Variants in EYA1 observed in about 807,000 individuals in gnomAD.
The protein encoded by EYA1 is protein phosphatase EYA1.
A neutral mutation model predicts 82.0 loss-of-function variants in EYA1; 16 were observed. That is an observed-to-expected ratio of 0.20 (90% confidence interval 0.13 to 0.30). The LOEUF is 0.30. Ranked by LOEUF, EYA1 falls within the 10% of genes least tolerant of loss-of-function variation. EYA1 has a pLI of 1.00. For missense variants in EYA1, 633 were observed against 730.7 expected (o/e 0.87, Z 1.54); for synonymous variants, 261 against 264.4 (o/e 0.99, Z 0.12).
Position 71,354,780 on chromosome 8 carries a change from AC to A in EYA1, c.124+1del. On this transcript the variant is annotated splice_donor_variant, in intron 3 of 17. Transcript: ENST00000340726. LOFTEE classifies it high-confidence loss of function. ...GTAAATAGTGAGAAGGCAGACACTC[AC>A]CTTCGGTGCCATTGGGAGTCATGGA... The A allele has an allele frequency of 6.2e-7, 1 of 1,612,858 alleles. No individual in the cohort carries two copies. The highest frequency in any genetic ancestry group is 8.5e-7 in the Non-Finnish European group (1 of 1,179,112).
At chr8:71,520,322 G>A (rs1282424873) in intron 2 of EYA1, among the ~76,000 whole-genome samples, 2 of 152,088 alleles carry the variant, frequency 1.3e-5, no homozygotes, top group East Asian at 3.9e-4. Flanking sequence ...AAGTGCCTTA[G>A]GAGGCTTATC....
At chr8:71,498,339 T>A (rs1811572460) in intron 2 of EYA1, among the ~76,000 whole-genome samples, 1 of 152,188 alleles carries the variant, frequency 6.6e-6, no homozygotes, top group Non-Finnish European at 1.5e-5. Context: ...CTACCAATTT[T>A]AAAAAATAAA....
intron 3 of EYA1, among the ~76,000 whole-genome samples, chr8:71,342,647 T>C (rs1414215950): frequency 2.0e-5 from 3 of 152,178 alleles, no homozygotes; most frequent in Non-Finnish European, 4.4e-5. Context: ...AAAATGTGTA[T>C]TTTAATAAAC....
chr8:71,376,808 C>CA (rs1179425822), intron 2 of EYA1, among the ~76,000 whole-genome samples: 1 of 152,168 alleles, frequency 6.6e-6, no homozygotes, highest in East Asian at 1.9e-4. Flanking sequence ...CCGGAACAAT[C>CA]AAAATCTGAA....
At chr8:71,336,403 T>C (rs533245688) in intron 3 of EYA1, among the ~76,000 whole-genome samples, 31 of 152,214 alleles carry the variant, frequency 2.0e-4, no homozygotes, top group Non-Finnish European at 1.6e-4. Flanking sequence ...AAGAAAAAAA[T>C]TGTTCCACTG....
In EYA1 at chr8:71,418,270, A is replaced by G. The variant is rs551040342; in HGVS notation, c.34-61759T>C. On this transcript the variant is annotated intron_variant, in intron 2 of 18. Transcript: ENST00000643681. ...ATTTGGTTCGCACGGTGTTTTTAAA[A>G]TTGAGAGATTTAGCATAAAATTTCA... Among the ~76,000 whole-genome samples the G allele has an allele frequency of 3.3e-5, 5 of 152,364 alleles. No individual in the cohort carries two copies. In the East Asian group the frequency reaches 9.6e-4, roughly 29 times the overall value.
chr8:71,514,291 C>A (rs539331930), intron 2 of EYA1, among the ~76,000 whole-genome samples: 3 of 152,050 alleles, frequency 2.0e-5, no homozygotes, highest in African/African-American at 7.2e-5. Context: ...TCCTGTAGTT[C>A]AGGAATTCTT....
At chr8:71,364,253 G>A (rs938906391), upstream of EYA1, among the ~76,000 whole-genome samples, 28 of 151,770 alleles carry the variant, frequency 1.8e-4, no homozygotes, top group Non-Finnish European at 3.8e-4. Context: ...CTTTTAAAGA[G>A]TTTCATTTTC....
intron 2 of EYA1, among the ~76,000 whole-genome samples, chr8:71,456,895 C>A (rs528173437): frequency 6.6e-6 from 1 of 152,196 alleles, no homozygotes; most frequent in East Asian, 1.9e-4. Context: ...GCAACAAAAG[C>A]CAAAATTGAC....
intron 11 of EYA1, among the ~76,000 whole-genome samples, chr8:71,258,507 A>G (rs1436778660): frequency 6.6e-6 from 1 of 152,180 alleles, no homozygotes; most frequent in Non-Finnish European, 1.5e-5. Flanking sequence ...TGATACTTCT[A>G]TGGTGGAGTC....
intron 3 of EYA1, among the ~76,000 whole-genome samples, chr8:71,346,431 A>AAAATATATATAT (rs1554561505): frequency 1.9e-5 from 2 of 105,490 alleles, no homozygotes; most frequent in Non-Finnish European, 3.8e-5. Flanking sequence ...TACTGCAGTG[A>AAAATATATATAT]ATATATATAT....
intron 11 of EYA1, among the ~76,000 whole-genome samples, chr8:71,267,677 T>C (rs1816015319): frequency 6.6e-6 from 1 of 152,138 alleles, no homozygotes; most frequent in Non-Finnish European, 1.5e-5. Flanking sequence ...GCTTCCTGAG[T>C]AGCTGGGACT....
At chr8:71,494,599 A>C (rs946378438) in intron 2 of EYA1, among the ~76,000 whole-genome samples, 1 of 152,188 alleles carries the variant, frequency 6.6e-6, no homozygotes, top group South Asian at 2.1e-4. Context: ...TGCAGTTACC[A>C]TATAACATTT....
intron 2 of EYA1, chr8:71,470,765 C>T (rs1038996766): frequency 2.5e-6 from 1 of 398,228 alleles, no homozygotes; most frequent in Non-Finnish European, 4.9e-6. Flanking sequence ...AATGATATAA[C>T]AGACTTAACA....
chr8:71,322,377 A>G, intron 4 of EYA1, 109 bp from the exon 5 acceptor site: 2 of 936,566 alleles, frequency 2.1e-6, no homozygotes, highest in East Asian at 4.9e-5. Flanking sequence ...ATGAAATTTC[A>G]GATATTTGGT....
chr8:71,461,443 C>T (rs1020910790), intron 2 of EYA1, among the ~76,000 whole-genome samples: 6 of 152,266 alleles, frequency 3.9e-5, no homozygotes, highest in African/African-American at 1.2e-4. Flanking sequence ...GCAGCTTCCA[C>T]GGCTAGCAAC....
chr8:71,362,945 G>C (rs1827523016), upstream of EYA1, among the ~76,000 whole-genome samples: 1 of 152,150 alleles, frequency 6.6e-6, no homozygotes. Flanking sequence ...AGAAGGCATC[G>C]TTTATGTGAC....
upstream of EYA1, among the ~76,000 whole-genome samples, chr8:71,366,595 C>A (rs1038617323): frequency 6.6e-6 from 1 of 152,134 alleles, no homozygotes; most frequent in Non-Finnish European, 1.5e-5. Context: ...CAGCTGAGTT[C>A]ACAGTTTTTA....
chr8:71,385,977 C>A (rs939698413), intron 2 of EYA1, among the ~76,000 whole-genome samples: 5 of 152,068 alleles, frequency 3.3e-5, no homozygotes, highest in African/African-American at 1.2e-4. Flanking sequence ...AATCTGTCCC[C>A]GACTTTGCAC....
Sources: allele counts gnomAD v4.1 joint callset (sites outside exome capture counted in the v4.1 genomes callset), GRCh38; gene constraint gnomAD v4.1.1; transcripts MANE v1.5; gene names NCBI Gene and HGNC (gene_info 2026-07-23, HGNC 2026-07-21).